VRK3: variants seen among roughly 807,000 people sequenced by gnomAD.
The protein encoded by VRK3 is serine/threonine-protein kinase VRK3.
VRK3 carries 50 observed loss-of-function variants against 60.4 expected under a neutral mutation model. The ratio of observed to expected loss-of-function variants is 0.83; its 90% CI spans 0.66 to 1.05. The LOEUF is 1.05. VRK3 is among the 50% of genes least tolerant of loss of function. The pLI is 0.00. For missense variants in VRK3, 549 were observed against 585.3 expected, an observed-to-expected ratio of 0.94 and a Z score of 0.64; for synonymous variants, 246 against 227.8, an observed-to-expected ratio of 1.08 and a Z score of -0.72.
At chr19:49,983,428 G>A (rs1218945138) in intron 12 of VRK3, among the ~76,000 whole-genome samples, 2 of 152,204 alleles carry the variant, frequency 1.3e-5, no homozygotes, top group African/African-American at 2.4e-5. Flanking sequence ...CTGGGCCTGT[G>A]CGTAGGTCCA....
chr19:50,004,220 C>G (rs1359766398), intron 5 of VRK3, among the ~76,000 whole-genome samples: 1 of 152,064 alleles, frequency 6.6e-6, no homozygotes, highest in Admixed American at 6.6e-5. Flanking sequence ...AGCGTGGTTT[C>G]TTCTCTCAGG....
At chr19:49,979,029 G>A in intron 14 of VRK3, 54 bp downstream of exon 14, 1 of 1,523,542 alleles carries the variant, frequency 6.6e-7, no homozygotes, top group African/African-American at 1.4e-5. Context: ...GCCTGGGGCA[G>A]GGCTCGGGTG....
chr19:50,024,957 C>G (rs987067265), intron 1 of VRK3: 1 of 152,242 alleles, frequency 6.6e-6, no homozygotes, highest in African/African-American at 2.4e-5. Context: ...GACAGAGCCT[C>G]CCTTCGGCCG....
intron 12 of VRK3, chr19:49,986,890 C>T (rs2076525215): frequency 6.6e-6 from 1 of 152,320 alleles, no homozygotes. Context: ...TCCCAGATGA[C>T]TTGGGCAACA....
chr19:50,015,146 C>T (rs868028191), intron 3 of VRK3, among the ~76,000 whole-genome samples: 1 of 152,024 alleles, frequency 6.6e-6, no homozygotes, highest in African/African-American at 2.4e-5. Flanking sequence ...GCAGGAACAC[C>T]AGGAGCTCAG....
intron 2 of VRK3, among the ~76,000 whole-genome samples, chr19:50,018,424 C>A (rs960189844): frequency 1.3e-5 from 2 of 152,118 alleles, no homozygotes; most frequent in Non-Finnish European, 2.9e-5. Flanking sequence ...CCTTAAAAAC[C>A]ACAGGCCATC....
At chr19:49,992,235 C>G (rs2076623999) in intron 10 of VRK3, among the ~76,000 whole-genome samples, 1 of 152,192 alleles carries the variant, frequency 6.6e-6, no homozygotes, top group South Asian at 2.1e-4. Context: ...TGGAGAAACC[C>G]CATCTCTACT....
intron 10 of VRK3, among the ~76,000 whole-genome samples, chr19:49,990,320 G>A (rs758977774): frequency 5.3e-5 from 8 of 152,206 alleles, no homozygotes; most frequent in Admixed American, 1.3e-4. Flanking sequence ...AGGCTTAACT[G>A]AGTTTAAAAC....
At position 49,994,797 on chromosome 19, in the gene VRK3, A is replaced by G. The variant is rs1167891520; in HGVS notation, c.870+17T>C. On this transcript the variant is annotated intron_variant, in intron 9 of 14. Transcript: ENST00000316763. Reference sequence around the variant, plus strand: ...GCCCTCCCTGACGCGGCAGCTGAGCAACTTCTGGGTACGCACCAGCCGGCA... The same window carrying G: ...GCCCTCCCTGACGCGGCAGCTGAGCGACTTCTGGGTACGCACCAGCCGGCA... 6.2e-7 allele frequency: 1 copy of G among 1,607,362 alleles called. No homozygotes were observed. The highest frequency in any genetic ancestry group is 1.7e-5 in the Admixed American group (1 of 59,028).
At chr19:50,017,466 C>T (rs1259849536) in intron 2 of VRK3, among the ~76,000 whole-genome samples, 4 of 147,736 alleles carry the variant, frequency 2.7e-5, no homozygotes, top group Admixed American at 6.9e-5. Flanking sequence ...CCCAGCTACT[C>T]GGGAGGCTGA....
intron 12 of VRK3, 161 bp from the exon 13 acceptor site, chr19:49,981,174 C>T: frequency 1.5e-6 from 1 of 678,978 alleles, no homozygotes; most frequent in Non-Finnish European, 2.6e-6. Flanking sequence ...ACTGAATCAA[C>T]CAATCCACTA....
chr19:49,982,268 G>A (rs1442851346), intron 12 of VRK3: 5 of 700,278 alleles, frequency 7.1e-6, no homozygotes, highest in African/African-American at 1.7e-5. Context: ...TAAAACACAC[G>A]AATTATTAAC....
At chr19:50,017,558 G>A (rs1165845801) in intron 2 of VRK3, among the ~76,000 whole-genome samples, 1 of 84,438 alleles carries the variant, frequency 1.2e-5, no homozygotes, top group African/African-American at 5.3e-5. Flanking sequence ...TGGGTAACAA[G>A]AGTGAAACTC....
At chr19:49,987,212 C>T (rs1367452152) in intron 12 of VRK3, among the ~76,000 whole-genome samples, 5 of 152,178 alleles carry the variant, frequency 3.3e-5, no homozygotes, top group African/African-American at 9.7e-5. Flanking sequence ...ATGCCTAGCA[C>T]GCCCGCTAGG....
At chr19:50,023,019 C>T (rs186558904) in intron 1 of VRK3, among the ~76,000 whole-genome samples, 2 of 152,260 alleles carry the variant, frequency 1.3e-5, no homozygotes, top group South Asian at 2.1e-4. Context: ...TTTCCCCAAT[C>T]GTGACAAGAA....
intron 5 of VRK3, among the ~76,000 whole-genome samples, chr19:50,003,508 T>C (rs1445618825): frequency 1.3e-5 from 2 of 152,228 alleles, no homozygotes; most frequent in African/African-American, 2.4e-5. Flanking sequence ...ATGTGACTGA[T>C]GACGGATGGT....
intron 12 of VRK3, chr19:49,981,578 T>C: frequency 1.8e-6 from 1 of 567,822 alleles, no homozygotes; most frequent in South Asian, 7.5e-5. Context: ...TACACCTTGT[T>C]TTATGTATGT....
chr19:50,009,632 C>T (rs1188206300), intron 3 of VRK3, among the ~76,000 whole-genome samples: 1 of 152,054 alleles, frequency 6.6e-6, no homozygotes, highest in African/African-American at 2.4e-5. Flanking sequence ...CACATAATGT[C>T]TTTATATGTA....
In VRK3 at chr19:49,992,917, A is replaced by G. The variant is rs759598486; in HGVS notation, c.906T>C (p.Tyr302=). 1 of 1,613,732 alleles carries G rather than the reference A, an allele frequency of 6.2e-7. No homozygotes were observed. The highest frequency in any genetic ancestry group is 8.5e-7 in the Non-Finnish European group (1 of 1,180,030). The change falls in exon 10 of 15, where the codon TAT becomes TAC. Residue 302 remains tyrosine (Y), a synonymous_variant. Coordinates refer to ENST00000316763, the MANE Select transcript of VRK3 (RefSeq NM_016440.4). ...TTTCAGCTGTCACATTTCCATGAAC[A>G]TACTCATTCTCATGGAGGAACTCCA... ...DALEFLHENE[Y]VHGNVTAENI...
Sources: allele counts gnomAD v4.1 joint callset (sites outside exome capture counted in the v4.1 genomes callset), GRCh38; gene constraint gnomAD v4.1.1; transcripts MANE v1.5; gene names NCBI Gene and HGNC (gene_info 2026-07-23, HGNC 2026-07-21).